The following CDC45 variants were observed in gnomAD, a reference collection of about 807,000 sequenced individuals.
CDC45 encodes cell division control protein 45 homolog.
CDC45 carries 54 observed loss-of-function variants against 77.8 expected under a neutral mutation model. That is an observed-to-expected ratio of 0.69 (90% CI 0.56 to 0.87). The LOEUF is 0.87. Among genes scored for constraint, CDC45 ranks in the 40% least tolerant of loss-of-function variants. The pLI, the probability that CDC45 is intolerant of heterozygous loss-of-function variation, is 0.00. For synonymous variants in CDC45, 260 were observed against 272.1 expected (o/e 0.96, Z 0.44); for missense variants, 649 against 721.6 (o/e 0.90, Z 1.15).
intron 13 of CDC45, among the ~76,000 whole-genome samples, chr22:19,512,928 C>T (rs79387922): frequency 6.6e-6 from 1 of 152,174 alleles, no homozygotes; most frequent in Non-Finnish European, 1.5e-5. Context: ...TGCTTCCACT[C>T]ATGGCAGAAG....
intron 5 of CDC45, among the ~76,000 whole-genome samples, chr22:19,490,639 G>A (rs954285779): frequency 6.6e-6 from 1 of 152,042 alleles, no homozygotes; most frequent in Non-Finnish European, 1.5e-5. Context: ...GCCTCCCAAA[G>A]TGCTGGGATT....
Position 19,480,237 on chromosome 22 carries a change from G to A in CDC45, c.111+20G>A, listed in dbSNP as rs1365812801. On this transcript the variant is annotated intron_variant, in intron 2 of 18. Transcript: ENST00000263201. ...CTTCAGGTGAGTTCTGCGGACCCTA[G>A]GAGGGCGGGGCCGGCGCGCGAGGTG... 6.2e-7 allele frequency: 1 copy of A among 1,611,814 alleles called. No individual in the cohort carries two copies. The highest frequency in any genetic ancestry group is 1.3e-5 in the African/African-American group (1 of 74,846).
At chr22:19,495,292 CAG>C (rs2090222713) in intron 6 of CDC45, among the ~76,000 whole-genome samples, 2 of 152,216 alleles carry the variant, frequency 1.3e-5, no homozygotes, top group Admixed American at 6.5e-5. Flanking sequence ...ACTTAATTGG[CAG>C]TTTCCCTTCT....
chr22:19,490,436 G>A lies in CDC45; in HGVS notation c.487-3891G>A, dbSNP rs373630171. Among the ~76,000 whole-genome samples, 57 of 151,544 alleles carry A rather than the reference G, an allele frequency of 3.8e-4. No homozygotes were observed. The East Asian group carries it at 5.6e-3, about 15-fold the overall frequency. On this transcript the variant is annotated intron_variant, in intron 5 of 18. Coordinates refer to ENST00000263201, the MANE Select transcript of CDC45 (RefSeq NM_003504.5). ...GTTGCCCAGGCTGGAATGCAGTGGC[G>A]CGATCTTGGCTCACTGCAACCTCTG...
chr22:19,494,720 G>A (rs966182952), intron 6 of CDC45: 18 of 827,688 alleles, frequency 2.2e-5, no homozygotes, highest in Non-Finnish European at 3.3e-5. Context: ...GAAAATATTG[G>A]AAAGGTTATT....
At chr22:19,504,925 C>T (rs532340177) in intron 9 of CDC45, 14 of 182,520 alleles carry the variant, frequency 7.7e-5, no homozygotes, top group African/African-American at 2.8e-4. Context: ...TCAGAGAGCA[C>T]GCCGACCTAG....
rs186737808 is a variant in CDC45, at chr22:19,511,323, C to A, written c.1217+2632C>A. On this transcript the variant is annotated intron_variant, in intron 13 of 18. Coordinates refer to ENST00000263201, the MANE Select transcript of CDC45 (RefSeq NM_003504.5). ...GTTAGGAGAATTGTCTATTCAAGTC[C>A]TTTGTCTTTTTTTTTTTTTTTTTTT... Among the ~76,000 whole-genome samples, 101 of 139,174 alleles carry A rather than the reference C, an allele frequency of 7.3e-4. No homozygotes were observed. The Middle Eastern group carries it at 0.018, about 25-fold the overall frequency. 91.3% of individuals were successfully genotyped at this position (139,174 alleles called of 152,430 possible).
chr22:19,502,025 C>A (rs1239200565), intron 9 of CDC45, among the ~76,000 whole-genome samples: 1 of 152,124 alleles, frequency 6.6e-6, no homozygotes, highest in African/African-American at 2.4e-5. Context: ...CCTTCTTAAT[C>A]ATTTTTATAG....
intron 10 of CDC45, 46 bp downstream of exon 10, chr22:19,505,527 C>A: frequency 6.2e-7 from 1 of 1,606,254 alleles, no homozygotes; most frequent in Non-Finnish European, 8.5e-7. Flanking sequence ...CACCCCTGCT[C>A]AGCAGGCCTT....
intron 5 of CDC45, among the ~76,000 whole-genome samples, chr22:19,485,619 T>C (rs532040446): frequency 7.9e-5 from 12 of 152,350 alleles, no homozygotes; most frequent in Middle Eastern, 3.4e-3. Context: ...TAATCAGCGT[T>C]TCCTTTTACA....
intron 5 of CDC45, among the ~76,000 whole-genome samples, chr22:19,490,832 T>TC (rs1219875946): frequency 6.7e-6 from 1 of 150,146 alleles, no homozygotes; most frequent in Non-Finnish European, 1.5e-5. Context: ...TTATCTTCTT[T>TC]TTTTTTTTTT....
chr22:19,487,766 C>T (rs1417025198), intron 5 of CDC45, among the ~76,000 whole-genome samples: 1 of 151,400 alleles, frequency 6.6e-6, no homozygotes, highest in African/African-American at 2.4e-5. Context: ...CAAAAAATTT[C>T]CCGGGCATGG....
rs1933950745 is a variant in CDC45 at position 19,518,883 on chromosome 22, A to G, written c.1676A>G (p.Asp559Gly). ...LKAEDRSKFL[D>G]ALISLLS is the part of the protein sequence containing the mutation. ...GCTGAGGATCGGAGCAAGTTTCTGGACGCACTTATTTCCCTCCTGTCCTAG... is the reference window on the plus strand; with the variant it reads ...GCTGAGGATCGGAGCAAGTTTCTGGGCGCACTTATTTCCCTCCTGTCCTAG... The change falls in exon 18 of 19, where the codon GAC becomes GGC. Residue 559 changes from aspartate to glycine, a missense_variant. Coordinates refer to ENST00000263201, the MANE Select transcript of CDC45 (RefSeq NM_003504.5). 2.5e-6 allele frequency: 4 copies of G among 1,614,028 alleles called. No homozygotes were observed. The highest frequency in any genetic ancestry group is 3.4e-6 in the Non-Finnish European group (4 of 1,179,980).
intron 3 of CDC45, 146 bp from the exon 4 acceptor site, chr22:19,482,543 TG>T: frequency 1.3e-6 from 1 of 765,752 alleles, no homozygotes; most frequent in Non-Finnish European, 2.0e-6. Context: ...CATGCCAGCC[TG>T]GCCATTTTTT....
chr22:19,511,901 A>C (rs1017241068), intron 13 of CDC45, among the ~76,000 whole-genome samples: 13 of 145,440 alleles, frequency 8.9e-5, no homozygotes, highest in African/African-American at 3.3e-4. Context: ...TTACATTAGG[A>C]GTATGATTCA....
rs142957284 is a variant in CDC45 at position 19,483,120 on chromosome 22, T to C, written c.342+293T>C. Reference sequence around the variant, plus strand: ...CACATGCCACCACGCCCAGCAAATATTTGTTTTTATTTTTGTTGAAATGGA... The same window carrying C: ...CACATGCCACCACGCCCAGCAAATACTTGTTTTTATTTTTGTTGAAATGGA... On this transcript the variant is annotated intron_variant, in intron 4 of 18. Transcript: ENST00000263201. Among the ~76,000 whole-genome samples the C allele has an allele frequency of 5.2e-3, 790 of 152,212 alleles. 14 individuals are homozygous for C. The highest frequency in any genetic ancestry group is 0.019 in the African/African-American group (773 of 41,528).
intron 13 of CDC45, among the ~76,000 whole-genome samples, chr22:19,510,248 CTG>C (rs1039655962): frequency 2.0e-5 from 3 of 152,204 alleles, no homozygotes; most frequent in African/African-American, 7.2e-5. Context: ...GCATGAGCCA[CTG>C]TGCCCAGCCT....
chr22:19,479,745 A>G (rs926386591), upstream of CDC45: 11 of 654,192 alleles, frequency 1.7e-5, no homozygotes, highest in African/African-American at 3.6e-5. Flanking sequence ...CTCAGAGGTG[A>G]CGCTTCTTTG....
At chr22:19,493,106 G>A (rs1271207342) in intron 5 of CDC45, among the ~76,000 whole-genome samples, 3 of 152,182 alleles carry the variant, frequency 2.0e-5, no homozygotes, top group Non-Finnish European at 2.9e-5. Flanking sequence ...GGCCTTTGCT[G>A]GGGTGGATAT....
Sources: gnomAD v4.1 joint callset for allele counts (sites outside exome capture counted in the v4.1 genomes callset) on GRCh38, gnomAD v4.1.1 for gene constraint, MANE v1.5 for transcripts, NCBI Gene and HGNC (gene_info 2026-07-23, HGNC 2026-07-21) for gene names.